The following IL1RAPL1 variants were observed in gnomAD, a reference collection of about 807,000 sequenced individuals.
IL1RAPL1 encodes interleukin 1 receptor accessory protein like 1, also known as interleukin-1 receptor accessory protein-like 1.
In IL1RAPL1, 3 loss-of-function variants were observed where a neutral mutation model predicts 48.4. The ratio of observed to expected loss-of-function variants is 0.06; its 90% CI spans 0.03 to 0.16. IL1RAPL1 has a LOEUF of 0.16. Ranked by LOEUF, IL1RAPL1 falls within the 10% of genes least tolerant of loss-of-function variation. The pLI is 1.00. For missense variants in IL1RAPL1, 349 were observed against 530.6 expected (o/e 0.66, Z 3.36); for synonymous variants, 185 against 187.7 (o/e 0.99, Z 0.12).
At chrX:28,832,653 T>C (rs150233987) in intron 2 of IL1RAPL1, among the ~76,000 whole-genome samples, 1,774 of 110,316 alleles carry the variant, frequency 0.016, 51 homozygotes, top group African/African-American at 0.055. Context: ...AAGTTGCCTT[T>C]ATTTGGAAAA....
chrX:28,764,689 G>A (rs1220378870), intron 1 of IL1RAPL1, among the ~76,000 whole-genome samples: 2 of 111,505 alleles, frequency 1.8e-5, no homozygotes, highest in African/African-American at 6.5e-5. Flanking sequence ...AGAATATTAA[G>A]TCTGCTTATG....
intron 2 of IL1RAPL1, among the ~76,000 whole-genome samples, chrX:28,809,165 G>A (rs554293740): frequency 1.0e-4 from 11 of 109,282 alleles, no homozygotes; most frequent in Middle Eastern, 9.3e-3. Flanking sequence ...TCAAAAAGTA[G>A]ATCTAGTAAT....
intron 2 of IL1RAPL1, among the ~76,000 whole-genome samples, chrX:28,966,285 T>C: frequency 8.9e-6 from 1 of 112,032 alleles, no homozygotes. Context: ...GAGCAGAAGG[T>C]ATTACTCTCG....
At chrX:29,362,030 A>G (rs895583038) in intron 3 of IL1RAPL1, among the ~76,000 whole-genome samples, 1 of 112,258 alleles carries the variant, frequency 8.9e-6, no homozygotes, top group Non-Finnish European at 1.9e-5. Context: ...TGTCAACACT[A>G]CATCTGGAGG....
chrX:29,559,392 A>C (rs1922109697), intron 5 of IL1RAPL1, among the ~76,000 whole-genome samples: 1 of 112,135 alleles, frequency 8.9e-6, no homozygotes, highest in South Asian at 3.6e-4. Context: ...AACATTAACA[A>C]AAAATTGGCA....
chrX:29,954,452 C>T (rs1254108508), intron 9 of IL1RAPL1, 70 bp from the exon 10 acceptor site: 8 of 890,972 alleles, frequency 9.0e-6, no homozygotes, highest in African/African-American at 8.0e-5. Flanking sequence ...AAAAAAAGTG[C>T]ATGTTTTCAT....
chrX:28,705,508 A>G (rs145950359), intron 1 of IL1RAPL1, among the ~76,000 whole-genome samples: 1,443 of 112,280 alleles, frequency 0.013, 27 homozygotes, highest in African/African-American at 0.045. Flanking sequence ...CATTCCTAAA[A>G]TACATAATTA....
At chrX:29,496,971 T>C (rs1022372831) in intron 5 of IL1RAPL1, among the ~76,000 whole-genome samples, 1 of 112,611 alleles carries the variant, frequency 8.9e-6, no homozygotes, top group Non-Finnish European at 1.9e-5. Flanking sequence ...GTTTGGAAAA[T>C]ACTTACTACT....
chrX:29,491,816 G>T (rs187102057), intron 5 of IL1RAPL1, among the ~76,000 whole-genome samples: 15 of 110,820 alleles, frequency 1.4e-4, no homozygotes, highest in East Asian at 2.8e-4. Flanking sequence ...GAGCATTCTA[G>T]ATAAGTCTGT....
chrX:29,933,542 A>G (rs1932980954), intron 8 of IL1RAPL1, among the ~76,000 whole-genome samples: 1 of 109,232 alleles, frequency 9.2e-6, no homozygotes, highest in Non-Finnish European at 1.9e-5. Context: ...TTTATTCAAA[A>G]TTGGGTTTGT....
intron 3 of IL1RAPL1, among the ~76,000 whole-genome samples, chrX:29,334,298 C>T (rs1671864343): frequency 1.2e-5 from 1 of 81,644 alleles, no homozygotes; most frequent in African/African-American, 5.0e-5. Context: ...CCTCACCTCC[C>T]GGACTGGGTG....
intron 6 of IL1RAPL1, among the ~76,000 whole-genome samples, chrX:29,842,812 T>C (rs984748503): frequency 8.9e-6 from 1 of 111,814 alleles, no homozygotes; most frequent in African/African-American, 3.3e-5. Context: ...TTTCAGAGCA[T>C]AGTACATTCA....
At chrX:29,924,776 C>T (rs952375968) in intron 8 of IL1RAPL1, among the ~76,000 whole-genome samples, 4 of 111,898 alleles carry the variant, frequency 3.6e-5, no homozygotes, top group African/African-American at 1.3e-4. Context: ...TAATGATAAA[C>T]ATCTAGGTTT....
intron 6 of IL1RAPL1, among the ~76,000 whole-genome samples, chrX:29,673,569 C>T (rs992473993): frequency 8.9e-6 from 1 of 111,857 alleles, no homozygotes; most frequent in Non-Finnish European, 1.9e-5. Flanking sequence ...ACAATAATAT[C>T]CCAAGTCCAA....
rs181324210 is a variant in IL1RAPL1 at position 29,042,092 on chromosome X, T to C, written c.83-240846T>C. ...TTCCCCCAAAAGATATCAATTTTCA[T>C]TTTACCAGTTTACCCCTACTAGCTG... On this transcript the variant is annotated intron_variant, in intron 2 of 10. Transcript: ENST00000378993. Among the ~76,000 whole-genome samples the C allele has an allele frequency of 1.6e-4, 18 of 111,822 alleles. No individual in the cohort carries two copies. In the Admixed American group the frequency reaches 1.6e-3, roughly 10 times the overall value.
intron 9 of IL1RAPL1, among the ~76,000 whole-genome samples, chrX:29,948,846 G>GAA (rs796452553): frequency 1.1e-5 from 1 of 89,007 alleles, no homozygotes; most frequent in Non-Finnish European, 2.3e-5. Context: ...AAAAAAAAAA[G>GAA]AAAAAAAAAA....
At chrX:28,962,821 T>TGG (rs772157690) in intron 2 of IL1RAPL1, among the ~76,000 whole-genome samples, 8 of 107,751 alleles carry the variant, frequency 7.4e-5, no homozygotes, top group African/African-American at 2.7e-4. Context: ...TTGGTATCCG[T>TGG]GGGGGGGGTC....
At chrX:29,344,630 T>G (rs1933125637) in intron 3 of IL1RAPL1, among the ~76,000 whole-genome samples, 1 of 111,413 alleles carries the variant, frequency 9.0e-6, no homozygotes, top group African/African-American at 3.3e-5. Flanking sequence ...TAACCATGTT[T>G]TTTTTGTTTT....
chrX:28,983,826 G>T (rs1925401126), intron 2 of IL1RAPL1, among the ~76,000 whole-genome samples: 1 of 111,536 alleles, frequency 9.0e-6, no homozygotes, highest in South Asian at 3.7e-4. Flanking sequence ...AATTAATATA[G>T]TGAGGGAATG....
Sources: gnomAD v4.1 joint callset for allele counts (sites outside exome capture counted in the v4.1 genomes callset) on GRCh38, gnomAD v4.1.1 for gene constraint, MANE v1.5 for transcripts, NCBI Gene and HGNC (gene_info 2026-07-23, HGNC 2026-07-21) for gene names.